ZNF609: variants seen among roughly 807,000 people sequenced by gnomAD.
The protein encoded by ZNF609 is zinc finger protein 609.
Under a neutral mutation model 109.5 loss-of-function variants are expected in ZNF609, and 11 were observed. That is an observed-to-expected ratio of 0.10 (90% CI 0.06 to 0.17). The LOEUF is 0.17. ZNF609 is among the 10% of genes least tolerant of loss of function. ZNF609 has a pLI of 1.00. For synonymous variants in ZNF609, 646 were observed against 662.0 expected, an observed-to-expected ratio of 0.98 and a Z score of 0.37; for missense variants, 1,559 against 1,772.4, an observed-to-expected ratio of 0.88 and a Z score of 2.16.
chr15:64,665,886 A>G (rs1282093363), intron 3 of ZNF609, among the ~76,000 whole-genome samples: 1 of 151,854 alleles, frequency 6.6e-6, no homozygotes, highest in Non-Finnish European at 1.5e-5. Flanking sequence ...AGTCTAGGCA[A>G]CAAGAGCAAA....
In ZNF609 at chr15:64,676,006, C is replaced by A; in HGVS notation, c.3152C>A (p.Thr1051Asn). ...KQKPSIPPTL[T>N]KAPSLTDLVK... ...AAGCCGTCAATTCCACCAACTCTCA[C>A]CAAGGCCCCCAGCCTGACAGACCTG... is the stretch of plus-strand genomic sequence containing the variant. The change falls in exon 5 of 10, where the codon ACC becomes AAC. Residue 1051 changes from threonine to asparagine, a missense_variant. By Grantham distance (65) the Thr-to-Asn change is moderately conservative. Around this residue, in one of 4 missense-constraint regions of ZNF609, gnomAD observed 1,204 missense variants for 1,314.1 expected, o/e 0.92. Coordinates refer to ENST00000326648, the MANE Select transcript of ZNF609 (RefSeq NM_015042.2). 6.2e-7 allele frequency: 1 copy of A among 1,614,228 alleles called. No individual in the cohort carries two copies. The highest frequency in any genetic ancestry group is 8.5e-7 in the Non-Finnish European group (1 of 1,180,038).
intron 2 of ZNF609, among the ~76,000 whole-genome samples, chr15:64,573,143 T>C (rs1411029606): frequency 2.0e-5 from 3 of 151,648 alleles, no homozygotes; most frequent in African/African-American, 7.3e-5. Flanking sequence ...TGGAATAGTT[T>C]AGAGTGAAGA....
chr15:64,510,378 A>AT (rs922139119), intron 2 of ZNF609, among the ~76,000 whole-genome samples: 9 of 150,554 alleles, frequency 6.0e-5, no homozygotes, highest in African/African-American at 2.2e-4. Flanking sequence ...CTAATTTTTA[A>AT]TTTTTTTTAT....
At chr15:64,505,399 T>C (rs1201610319) in intron 2 of ZNF609, among the ~76,000 whole-genome samples, 3 of 152,228 alleles carry the variant, frequency 2.0e-5, no homozygotes, top group Non-Finnish European at 4.4e-5. Flanking sequence ...AAATGTATTG[T>C]GGATATTACT....
At chr15:64,596,406 A>G (rs1245914122) in intron 2 of ZNF609, among the ~76,000 whole-genome samples, 1 of 152,056 alleles carries the variant, frequency 6.6e-6, no homozygotes, top group Non-Finnish European at 1.5e-5. Flanking sequence ...TGGCCAACTC[A>G]GCCTCCCAAA....
chr15:64,618,887 G>A (rs192959538), intron 2 of ZNF609, among the ~76,000 whole-genome samples: 322 of 152,276 alleles, frequency 2.1e-3, no homozygotes, highest in Admixed American at 3.8e-3. Context: ...GCACAGGGAG[G>A]GGCTGTGGCA....
chr15:64,591,423 A>G (rs1171198954), intron 2 of ZNF609, among the ~76,000 whole-genome samples: 2 of 151,486 alleles, frequency 1.3e-5, no homozygotes, highest in Non-Finnish European at 3.0e-5. Context: ...GACAGACTCT[A>G]TCTCAAAAAA....
chr15:64,545,234 G>C (rs951936261), intron 2 of ZNF609, among the ~76,000 whole-genome samples: 9 of 151,292 alleles, frequency 5.9e-5, no homozygotes, highest in African/African-American at 2.2e-4. Flanking sequence ...GTCTAGCTCT[G>C]TAACCCAAGC....
upstream of ZNF609, among the ~76,000 whole-genome samples, chr15:64,460,560 C>T (rs1892921462): frequency 6.6e-6 from 1 of 152,090 alleles, no homozygotes; most frequent in Admixed American, 6.6e-5. Flanking sequence ...CCAGTGTCCG[C>T]GTCTTCCGGG....
chr15:64,615,488 C>CTT (rs11294961), intron 2 of ZNF609, among the ~76,000 whole-genome samples: 7 of 139,102 alleles, frequency 5.0e-5, no homozygotes, highest in Non-Finnish European at 6.3e-5. Flanking sequence ...TGATGACATC[C>CTT]TTTTTTTTTT....
intron 3 of ZNF609, among the ~76,000 whole-genome samples, chr15:64,642,560 A>G (rs552940636): frequency 6.6e-6 from 1 of 152,158 alleles, no homozygotes; most frequent in Admixed American, 6.5e-5. Context: ...TTGGGAGGCC[A>G]AGGTGGGAGG....
chr15:64,522,148 C>A (rs1893900477), intron 2 of ZNF609, among the ~76,000 whole-genome samples: 2 of 152,222 alleles, frequency 1.3e-5, no homozygotes, highest in Admixed American at 1.3e-4. Flanking sequence ...GAGTTTACAG[C>A]AACCTGTCCA....
chr15:64,606,759 T>C (rs988721348), intron 2 of ZNF609, among the ~76,000 whole-genome samples: 2 of 151,952 alleles, frequency 1.3e-5, no homozygotes, highest in African/African-American at 4.8e-5. Context: ...TACCAGCACT[T>C]TGGGAGGCCG....
chr15:64,617,299 G>A (rs1325238027), intron 2 of ZNF609, among the ~76,000 whole-genome samples: 2 of 151,284 alleles, frequency 1.3e-5, no homozygotes, highest in Non-Finnish European at 2.9e-5. Context: ...TAGGATCACA[G>A]GCATCAGCCA....
chr15:64,621,978 G>A (rs930106256), intron 2 of ZNF609, among the ~76,000 whole-genome samples: 79 of 151,840 alleles, frequency 5.2e-4, no homozygotes, highest in African/African-American at 1.8e-3. Flanking sequence ...TGCCCACCTC[G>A]GCCTCCCAAA....
chr15:64,495,862 AG>A (rs1893475746), intron 1 of ZNF609, among the ~76,000 whole-genome samples: 1 of 148,978 alleles, frequency 6.7e-6, no homozygotes, highest in Admixed American at 6.8e-5. Flanking sequence ...TCTGTCACCC[AG>A]ACTGGAGTGT....
chr15:64,470,750 G>C (rs35108448), intron 1 of ZNF609, among the ~76,000 whole-genome samples: 4 of 152,040 alleles, frequency 2.6e-5, no homozygotes, highest in Non-Finnish European at 4.4e-5. Flanking sequence ...TCGAACTCCT[G>C]ACCTCATGAT....
chr15:64,652,133 C>G (rs1896425906), intron 3 of ZNF609, among the ~76,000 whole-genome samples: 1 of 151,288 alleles, frequency 6.6e-6, no homozygotes, highest in Non-Finnish European at 1.5e-5. Flanking sequence ...TCTGCCTATT[C>G]TCATGCCTCA....
intron 3 of ZNF609, among the ~76,000 whole-genome samples, chr15:64,641,404 A>G (rs1311642468): frequency 2.7e-5 from 4 of 150,494 alleles, no homozygotes; most frequent in Non-Finnish European, 4.4e-5. Context: ...TTTAGTAGAG[A>G]TGGGGTTTCT....
Sources: gnomAD v4.1 joint callset for allele counts (sites outside exome capture counted in the v4.1 genomes callset) on GRCh38, gnomAD v4.1.1 for gene constraint, gnomAD v4.1.1 regional missense constraint, MANE v1.5 for transcripts, NCBI Gene and HGNC (gene_info 2026-07-23, HGNC 2026-07-21) for gene names.